The following SIN3A variants were observed in gnomAD, a reference collection of about 807,000 sequenced individuals.
SIN3A encodes paired amphipathic helix protein Sin3a.
A neutral mutation model predicts 146.1 loss-of-function variants in SIN3A; 14 were observed. The observed-to-expected ratio is 0.10, with a 90% confidence interval of 0.06 to 0.15. The LOEUF (loss-of-function observed/expected upper bound fraction) is 0.15. SIN3A is among the 10% of genes least tolerant of loss of function. The pLI is 1.00. For missense variants in SIN3A, 1,028 were observed against 1,576.0 expected (o/e 0.65, Z 5.89); for synonymous variants, 572 against 572.0 (o/e 1.00, Z 0.00).
chr15:75,433,472 C>T (rs2074050293), intron 1 of SIN3A, among the ~76,000 whole-genome samples: 1 of 152,146 alleles, frequency 6.6e-6, no homozygotes, highest in Admixed American at 6.5e-5. Flanking sequence ...TACTTAACTT[C>T]ATCCACCTCC....
chr15:75,394,244 C>T (rs554894224), intron 14 of SIN3A, among the ~76,000 whole-genome samples: 1 of 152,342 alleles, frequency 6.6e-6, no homozygotes, highest in East Asian at 1.9e-4. Context: ...GGATTTATTG[C>T]TTATTCATCT....
At chr15:75,448,369 G>A (rs2074345145) in intron 1 of SIN3A, among the ~76,000 whole-genome samples, 1 of 151,354 alleles carries the variant, frequency 6.6e-6, no homozygotes, top group Non-Finnish European at 1.5e-5. Flanking sequence ...GTGTGGTGGC[G>A]CCCCAGCTTC....
At chr15:75,450,852 G>A (rs2074391197) in intron 1 of SIN3A, among the ~76,000 whole-genome samples, 1 of 152,222 alleles carries the variant, frequency 6.6e-6, no homozygotes. Flanking sequence ...CATTGCCAAG[G>A]AGGCGGAAAC....
chr15:75,433,375 A>C (rs1352555685), intron 1 of SIN3A, among the ~76,000 whole-genome samples: 3 of 152,182 alleles, frequency 2.0e-5, no homozygotes, highest in African/African-American at 7.2e-5. Flanking sequence ...TAAGTATTAC[A>C]GTACTATGGT....
At chr15:75,424,704 G>A (rs1312492133) in intron 2 of SIN3A, among the ~76,000 whole-genome samples, 1 of 151,980 alleles carries the variant, frequency 6.6e-6, no homozygotes, top group East Asian at 1.9e-4. Context: ...TGAACTCTTG[G>A]GTATGGAGTC....
chr15:75,400,076 T>C lies in SIN3A; in HGVS notation c.1818A>G (p.Glu606=), dbSNP rs778319841. ...TFVSSKKTQY[E]EHIYRCEDER... is the part of the protein sequence containing the mutation. ...CATCTTCACAACGATAAATATGTTC[T>C]TCATATTGAGTCTTCTTGGAACTCA... The change falls in exon 12 of 21, where the codon GAA becomes GAG. Residue 606 remains glutamate (E), a synonymous_variant. Coordinates refer to ENST00000394947, the MANE Select transcript of SIN3A (RefSeq NM_001145358.2). The C allele has an allele frequency of 3.1e-6, 5 of 1,609,094 alleles. No individual in the cohort carries two copies. The highest frequency in any genetic ancestry group is 2.2e-5 in the East Asian group (1 of 44,856).
chr15:75,386,018 T>G (rs1437948755), intron 16 of SIN3A, among the ~76,000 whole-genome samples: 1 of 152,176 alleles, frequency 6.6e-6, no homozygotes, highest in East Asian at 1.9e-4. Context: ...TACAGATGCT[T>G]CCACTTTCTA....
chr15:75,382,985 G>A (rs1447813490), intron 17 of SIN3A, among the ~76,000 whole-genome samples: 5 of 152,168 alleles, frequency 3.3e-5, no homozygotes, highest in African/African-American at 1.2e-4. Context: ...TACTCAGGAG[G>A]CCGAGGCAGG....
At chr15:75,379,475 G>A (rs2072925394) in intron 19 of SIN3A, among the ~76,000 whole-genome samples, 2 of 152,174 alleles carry the variant, frequency 1.3e-5, no homozygotes, top group South Asian at 2.1e-4. Flanking sequence ...GTACATAAAT[G>A]TGCCTCCTTC....
chr15:75,412,838 A>G lies in SIN3A; in HGVS notation c.681T>C (p.Pro227=). 6.2e-7 allele frequency: 1 copy of G among 1,612,148 alleles called. No individual in the cohort carries two copies. Among genetic ancestry groups the G allele is most frequent in the Non-Finnish European group, 8.5e-7 (1 of 1,178,742 alleles). Residue 227 remains proline, a synonymous_variant, in exon 5 of 21, where the codon CCT becomes CCC. Coordinates refer to ENST00000394947, the MANE Select transcript of SIN3A (RefSeq NM_001145358.2). ...QPQPQPPPQH[P]SQPSAQSAPA... ...GGGCTGACTGGGCTGAAGGCTGGGAAGGATGTTGGGGTGGTGGTTGAGGCT... is the reference window on the plus strand; with the variant it reads ...GGGCTGACTGGGCTGAAGGCTGGGAGGGATGTTGGGGTGGTGGTTGAGGCT...
chr15:75,413,629 C>T (rs1056609123), intron 4 of SIN3A, among the ~76,000 whole-genome samples: 6 of 151,454 alleles, frequency 4.0e-5, no homozygotes, highest in East Asian at 1.9e-4. Flanking sequence ...CTGCAGCCTC[C>T]GCCTCCTGGG....
intron 2 of SIN3A, among the ~76,000 whole-genome samples, chr15:75,426,105 A>G (rs1016621777): frequency 2.0e-5 from 3 of 152,258 alleles, no homozygotes; most frequent in East Asian, 3.8e-4. Context: ...ATACAAACAC[A>G]TTATAGTTTC....
At chr15:75,429,579 T>C (rs1303150838) in intron 2 of SIN3A, among the ~76,000 whole-genome samples, 3 of 152,214 alleles carry the variant, frequency 2.0e-5, no homozygotes, top group Admixed American at 1.3e-4. Flanking sequence ...CAAAACTGTC[T>C]TAATAAGTGC....
At chr15:75,430,100 T>C (rs1224166479) in intron 2 of SIN3A, 87 bp downstream of exon 2, 1 of 961,102 alleles carries the variant, frequency 1.0e-6, no homozygotes, top group Non-Finnish European at 1.6e-6. Flanking sequence ...TTTTAATATC[T>C]AACACAGTAT....
intron 1 of SIN3A, among the ~76,000 whole-genome samples, chr15:75,440,982 C>CAAAAAAAAAAAAAA (rs769091157): frequency 4.2e-5 from 3 of 71,566 alleles, no homozygotes; most frequent in Non-Finnish European, 5.7e-5. Flanking sequence ...GACTCTGTCT[C>CAAAAAAAAAAAAAA]AAAAAAAAAA....
intron 9 of SIN3A, 108 bp downstream of exon 9, chr15:75,406,947 A>G (rs1264830717): frequency 1.8e-5 from 12 of 650,906 alleles, no homozygotes; most frequent in African/African-American, 3.7e-5. Flanking sequence ...TAAAAAACAG[A>G]AAGTCCTAAT....
At chr15:75,428,136 A>C (rs2073958997) in intron 2 of SIN3A, among the ~76,000 whole-genome samples, 1 of 152,180 alleles carries the variant, frequency 6.6e-6, no homozygotes, top group Non-Finnish European at 1.5e-5. Flanking sequence ...TAGAACAGGA[A>C]TATACAATGC....
At chr15:75,425,755 C>A (rs909764341) in intron 2 of SIN3A, among the ~76,000 whole-genome samples, 4 of 152,144 alleles carry the variant, frequency 2.6e-5, no homozygotes, top group African/African-American at 9.7e-5. Flanking sequence ...TGCCCAAATG[C>A]CCCATCCCCA....
chr15:75,430,116 A>G, intron 2 of SIN3A, 71 bp downstream of exon 2: 3 of 1,253,888 alleles, frequency 2.4e-6, no homozygotes, highest in East Asian at 2.4e-5. Context: ...AGTATTAAAA[A>G]AAGTTTTATA....
Sources: gnomAD v4.1 joint callset for allele counts (sites outside exome capture counted in the v4.1 genomes callset) on GRCh38, gnomAD v4.1.1 for gene constraint, MANE v1.5 for transcripts, NCBI Gene and HGNC (gene_info 2026-07-23, HGNC 2026-07-21) for gene names.